The following TMCO5A variants were observed in gnomAD, a reference collection of about 807,000 sequenced individuals.
The protein encoded by TMCO5A is transmembrane and coiled-coil domains 5A.
In TMCO5A, 34 loss-of-function variants were observed where a neutral mutation model predicts 42.3. The observed-to-expected ratio is 0.80, with a 90% CI of 0.61 to 1.07. The LOEUF is 1.07. Among genes scored for constraint, TMCO5A ranks in the 50% least tolerant of loss-of-function variants. The pLI is 0.00. For synonymous variants in TMCO5A, 131 were observed against 115.6 expected, an observed-to-expected ratio of 1.13 and a Z score of -0.86; for missense variants, 357 against 327.9, an observed-to-expected ratio of 1.09 and a Z score of -0.69.
At chr15:38,028,358 G>A in the TMCO5A span, among the ~76,000 whole-genome samples, 15 of 152,164 alleles carry the variant, frequency 9.9e-5, no homozygotes, top group Non-Finnish European at 8.8e-5. Flanking sequence ...AGTTTCATAG[G>A]AAACAGACTG....
At chr15:38,005,537 A>G in the TMCO5A span, among the ~76,000 whole-genome samples, 1 of 151,888 alleles carries the variant, frequency 6.6e-6, no homozygotes, top group Non-Finnish European at 1.5e-5. Flanking sequence ...TGATCACACC[A>G]TTGTACTCTA....
downstream of TMCO5A, among the ~76,000 whole-genome samples, chr15:37,970,696 G>A (rs2140831442): frequency 6.6e-6 from 1 of 152,278 alleles, no homozygotes; most frequent in Middle Eastern, 3.4e-3. Flanking sequence ...ACAGGTATTG[G>A]GTAAATATGG....
At chr15:38,006,091 C>T in the TMCO5A span, among the ~76,000 whole-genome samples, 1 of 152,142 alleles carries the variant, frequency 6.6e-6, no homozygotes, top group East Asian at 1.9e-4. Context: ...ATTGAAAGAA[C>T]AATTTGTTGC....
chr15:38,008,386 T>A, the TMCO5A span, among the ~76,000 whole-genome samples: 1 of 152,054 alleles, frequency 6.6e-6, no homozygotes, highest in Non-Finnish European at 1.5e-5. Context: ...GCTGCAGGGA[T>A]GATAGAGGGA....
intron 11 of TMCO5A, among the ~76,000 whole-genome samples, chr15:37,959,892 T>G (rs1890379242): frequency 6.6e-6 from 1 of 152,036 alleles, no homozygotes; most frequent in Non-Finnish European, 1.5e-5. Flanking sequence ...CAAATTCTGC[T>G]TGTTTTCAGA....
the TMCO5A span, among the ~76,000 whole-genome samples, chr15:37,997,918 C>T: frequency 1.3e-5 from 2 of 152,050 alleles, no homozygotes; most frequent in Non-Finnish European, 2.9e-5. Flanking sequence ...TATATTTCAT[C>T]GTAATTTTGA....
chr15:37,971,340 C>T (rs1241223352), downstream of TMCO5A, among the ~76,000 whole-genome samples: 5 of 152,280 alleles, frequency 3.3e-5, no homozygotes, highest in East Asian at 9.7e-4. Context: ...GGCTGGAACA[C>T]AAGGCACCAA....
chr15:37,996,095 T>C, the TMCO5A span, among the ~76,000 whole-genome samples: 2 of 152,184 alleles, frequency 1.3e-5, no homozygotes, highest in East Asian at 1.9e-4. Flanking sequence ...CCCAGGGAGA[T>C]AAAAAGGAAC....
At chr15:37,942,049 G>C in intron 8 of TMCO5A, 142 bp from the exon 9 acceptor site, 1 of 751,764 alleles carries the variant, frequency 1.3e-6, no homozygotes, top group South Asian at 1.7e-5. Flanking sequence ...GTAGTAGGGG[G>C]GTGAGTTTTA....
chr15:37,984,965 T>C, the TMCO5A span: 1 of 151,774 alleles, frequency 6.6e-6, no homozygotes, highest in Admixed American at 6.6e-5. Flanking sequence ...TTTAGGTCAA[T>C]GCTGGATTGG....
the TMCO5A span, among the ~76,000 whole-genome samples, chr15:38,006,101 C>A: frequency 6.6e-6 from 1 of 152,280 alleles, no homozygotes; most frequent in East Asian, 1.9e-4. Flanking sequence ...CAATTTGTTG[C>A]TACTCACAGT....
intron 11 of TMCO5A, among the ~76,000 whole-genome samples, chr15:37,962,635 C>A (rs1047175378): frequency 6.6e-6 from 1 of 151,964 alleles, no homozygotes; most frequent in Non-Finnish European, 1.5e-5. Flanking sequence ...CTTTGAATGT[C>A]TTGTAGAATT....
At chr15:37,968,904 AT>A (rs1890619701), downstream of TMCO5A, among the ~76,000 whole-genome samples, 1 of 152,172 alleles carries the variant, frequency 6.6e-6, no homozygotes, top group Admixed American at 6.6e-5. Flanking sequence ...CAAAATAATT[AT>A]TTATCAGAAT....
chr15:38,022,867 C>T, the TMCO5A span, among the ~76,000 whole-genome samples: 3 of 151,900 alleles, frequency 2.0e-5, no homozygotes, highest in African/African-American at 7.2e-5. Flanking sequence ...AAATAAACAA[C>T]AAATAATATA....
the TMCO5A span, chr15:38,004,937 A>G: frequency 6.6e-6 from 1 of 152,038 alleles, no homozygotes; most frequent in African/African-American, 2.4e-5. Flanking sequence ...GGAGGCTTCT[A>G]TTTGGCCGTC....
the TMCO5A span, among the ~76,000 whole-genome samples, chr15:38,008,137 T>C: frequency 0.03 from 4,522 of 151,820 alleles, 157 homozygotes; most frequent in African/African-American, 0.084. Context: ...CCTCGTGATC[T>C]GCCCACCTTG....
chr15:37,983,344 G>C, the TMCO5A span, among the ~76,000 whole-genome samples: 2 of 152,244 alleles, frequency 1.3e-5, no homozygotes, highest in Admixed American at 1.3e-4. Flanking sequence ...TGAGTAAACA[G>C]CACAACCTAG....
Position 37,959,550 on chromosome 15 carries a change from T to C in TMCO5A, c.669-7075T>C, listed in dbSNP as rs543889338. On this transcript the variant is annotated intron_variant, in intron 11 of 11. Transcript: ENST00000559502. The stretch of plus-strand genomic sequence containing the variant: ...AGTTCGACATACACAAATCAATCAA[T>C]GTGATTCATTATATCAACAGAATGA... Among the ~76,000 whole-genome samples, 14 of 152,152 alleles carry C rather than the reference T, an allele frequency of 9.2e-5. No individual in the cohort carries two copies. The East Asian group carries it at 2.7e-3, about 29-fold the overall frequency.
the TMCO5A span, among the ~76,000 whole-genome samples, chr15:38,025,831 G>A: frequency 6.6e-6 from 1 of 152,118 alleles, no homozygotes; most frequent in Admixed American, 6.6e-5. Context: ...TCATGGGGGT[G>A]GTTCCCCCAT....
Sources: allele counts gnomAD v4.1 joint callset (sites outside exome capture counted in the v4.1 genomes callset), GRCh38; gene constraint gnomAD v4.1.1; transcripts MANE v1.5; gene names NCBI Gene and HGNC (gene_info 2026-07-23, HGNC 2026-07-21).